DMD: variants seen among roughly 807,000 people sequenced by gnomAD.
DMD encodes dystrophin, also known as mutant dystrophin.
Under a neutral mutation model 330.1 loss-of-function variants are expected in DMD, and 63 were observed. The observed-to-expected ratio is 0.19, with a 90% confidence interval of 0.16 to 0.24. The LOEUF (loss-of-function observed/expected upper bound fraction) is 0.24, where lower values mean the gene tolerates loss of function less well. Among genes scored for constraint, DMD ranks in the 10% least tolerant of loss-of-function variants. DMD has a pLI of 1.00. For synonymous variants in DMD, 1,223 were observed against 959.8 expected, an observed-to-expected ratio of 1.27 and a Z score of -5.07; for missense variants, 3,344 against 2,684.1, an observed-to-expected ratio of 1.25 and a Z score of -5.43.
chrX:33,077,482 G>A (rs924959120), intron 1 of DMD, among the ~76,000 whole-genome samples: 3 of 111,349 alleles, frequency 2.7e-5, no homozygotes, highest in Non-Finnish European at 3.8e-5. Context: ...GATGGGAAAA[G>A]GCCGTCGATC....
intron 47 of DMD, among the ~76,000 whole-genome samples, chrX:31,900,219 GTCT>G (rs1213129978): frequency 2.2e-4 from 25 of 111,286 alleles, no homozygotes; most frequent in African/African-American, 7.8e-4. Flanking sequence ...TTACTCCACA[GTCT>G]TCTTTTATTT....
intron 48 of DMD, among the ~76,000 whole-genome samples, chrX:31,838,151 T>C (rs912772064): frequency 9.0e-6 from 1 of 111,602 alleles, no homozygotes; most frequent in Non-Finnish European, 1.9e-5. Flanking sequence ...ATAAGGAAAA[T>C]CTAGTTTTAC....
chrX:31,511,183 A>G (rs2071505887), intron 55 of DMD, among the ~76,000 whole-genome samples: 1 of 109,780 alleles, frequency 9.1e-6, no homozygotes. Flanking sequence ...TCAATAAGGC[A>G]GCATGAGTCA....
chrX:32,880,670 C>T lies in DMD; in HGVS notation c.94-30850G>A, dbSNP rs762169749. ...AAAAGACTAAGATTTCTGGGCTAGG[C>T]GCAGTGGCTCACGCCTGTAATCCCA... On this transcript the variant is annotated intron_variant, in intron 2 of 78. Transcript: ENST00000357033. Among the ~76,000 whole-genome samples, 25 of 112,823 alleles carry T rather than the reference C, an allele frequency of 2.2e-4. No homozygotes were observed. In the South Asian group the frequency reaches 4.7e-3, roughly 21 times the overall value.
chrX:33,218,929 A>C (rs1254567132), intron 1 of DMD, among the ~76,000 whole-genome samples: 2 of 111,055 alleles, frequency 1.8e-5, no homozygotes, highest in Middle Eastern at 4.2e-3. Flanking sequence ...CGATATTTTT[A>C]GTTCTAAAAT....
intron 2 of DMD, among the ~76,000 whole-genome samples, chrX:32,871,155 T>C (rs909644718): frequency 9.2e-6 from 1 of 108,740 alleles, no homozygotes; most frequent in Non-Finnish European, 1.9e-5. Flanking sequence ...TTTTTTTCTC[T>C]TAATCTTGGT....
At chrX:31,923,847 G>A (rs904065385) in intron 47 of DMD, among the ~76,000 whole-genome samples, 1 of 111,482 alleles carries the variant, frequency 9.0e-6, no homozygotes, top group African/African-American at 3.3e-5. Flanking sequence ...CTGCCCGCCT[G>A]GGCCTCCCAA....
chrX:32,364,283 T>C (rs1420117373), intron 36 of DMD, among the ~76,000 whole-genome samples: 1 of 112,178 alleles, frequency 8.9e-6, no homozygotes, highest in Non-Finnish European at 1.9e-5. Context: ...GTACCACCAT[T>C]GACAAAGGCA....
chrX:31,666,490 C>T (rs2148663779), intron 53 of DMD, among the ~76,000 whole-genome samples: 1 of 112,371 alleles, frequency 8.9e-6, no homozygotes, highest in Admixed American at 9.4e-5. Flanking sequence ...TTGCTTATTA[C>T]TGTAGCTTAG....
intron 60 of DMD, among the ~76,000 whole-genome samples, chrX:31,404,568 C>T (rs2148859697): frequency 8.9e-6 from 1 of 111,952 alleles, no homozygotes; most frequent in South Asian, 3.7e-4. Flanking sequence ...CACCAGGAGG[C>T]TGAATGTCGA....
intron 44 of DMD, among the ~76,000 whole-genome samples, chrX:32,172,396 T>C (rs1449602599): frequency 8.9e-6 from 1 of 112,126 alleles, no homozygotes; most frequent in African/African-American, 3.2e-5. Context: ...CATAGAAATA[T>C]AATTTATGTA....
intron 55 of DMD, among the ~76,000 whole-genome samples, chrX:31,547,119 A>G (rs1422110733): frequency 8.9e-6 from 1 of 112,489 alleles, no homozygotes; most frequent in Non-Finnish European, 1.9e-5. Context: ...GTAGAAATGT[A>G]TTGGTGCAGT....
At chrX:31,329,381 T>C (rs1178767376) in intron 61 of DMD, among the ~76,000 whole-genome samples, 3 of 111,550 alleles carry the variant, frequency 2.7e-5, no homozygotes, top group East Asian at 2.8e-4. Flanking sequence ...AGAAGGTTCC[T>C]ACCATTGGTG....
At chrX:31,889,647 T>TCTCACACACACA (rs796563415) in intron 47 of DMD, among the ~76,000 whole-genome samples, 38 of 71,593 alleles carry the variant, frequency 5.3e-4, no homozygotes, top group African/African-American at 2.1e-3. Flanking sequence ...TCTCTCTCTC[T>TCTCACACACACA]CACACACACA....
intron 2 of DMD, among the ~76,000 whole-genome samples, chrX:32,944,110 T>C (rs376861938): frequency 8.9e-6 from 1 of 111,925 alleles, no homozygotes; most frequent in East Asian, 2.8e-4. Context: ...GAACATGCAA[T>C]ATTTGACTTT....
At chrX:32,255,216 C>G (rs1016553925) in intron 43 of DMD, among the ~76,000 whole-genome samples, 11 of 111,908 alleles carry the variant, frequency 9.8e-5, no homozygotes, top group Non-Finnish European at 2.1e-4. Context: ...TCTACCTTTT[C>G]TCTACAGTAA....
chrX:33,036,487 G>T (rs1218133702), intron 1 of DMD, among the ~76,000 whole-genome samples: 2 of 110,195 alleles, frequency 1.8e-5, no homozygotes, highest in Non-Finnish European at 3.8e-5. Context: ...CATAATTTTT[G>T]CTATTAAAAT....
chrX:32,282,284 C>A (rs887694682), intron 43 of DMD, among the ~76,000 whole-genome samples: 2 of 111,631 alleles, frequency 1.8e-5, no homozygotes, highest in Admixed American at 9.5e-5. Flanking sequence ...AAGAAAAGAG[C>A]TTTGTTTCTC....
intron 1 of DMD, among the ~76,000 whole-genome samples, chrX:33,223,809 G>T (rs2052233399): frequency 8.9e-6 from 1 of 111,807 alleles, no homozygotes; most frequent in African/African-American, 3.2e-5. Context: ...CAGAATAGGA[G>T]AGAATATTTG....
Sources: allele counts gnomAD v4.1 joint callset (sites outside exome capture counted in the v4.1 genomes callset), GRCh38; gene constraint gnomAD v4.1.1; transcripts MANE v1.5; gene names NCBI Gene and HGNC (gene_info 2026-07-23, HGNC 2026-07-21).